MANEA: variants seen among roughly 807,000 people sequenced by gnomAD.
MANEA encodes the protein mannosidase endo-alpha, also known as glycoprotein endo-alpha-1,2-mannosidase.
A neutral mutation model predicts 36.8 loss-of-function variants in MANEA; 25 were observed. The observed-to-expected ratio is 0.68, with a 90% confidence interval of 0.50 to 0.95. MANEA has a LOEUF of 0.95. Ranked by LOEUF, MANEA falls within the 40% of genes least tolerant of loss-of-function variation. MANEA has a pLI of 0.00. For missense variants in MANEA, 565 were observed against 558.8 expected (o/e 1.01, Z -0.11); for synonymous variants, 198 against 188.5 (o/e 1.05, Z -0.41).
chr6:95,597,173 G>A (rs533762600), intron 3 of MANEA, among the ~76,000 whole-genome samples: 1 of 151,992 alleles, frequency 6.6e-6, no homozygotes, highest in South Asian at 2.1e-4. Flanking sequence ...TATTAACCAT[G>A]TAACTTTGCA....
In MANEA at chr6:95,584,905, G is replaced by A. The variant is rs185008376; in HGVS notation, c.-38-1497G>A. Among the ~76,000 whole-genome samples, 94 of 152,276 alleles carry A rather than the reference G, an allele frequency of 6.2e-4. No individual in the cohort carries two copies. The East Asian group carries it at 0.012, about 19-fold the overall frequency. ...TGAAATATTGGGGATGGGTTCCCCC[G>A]ATAGAATAGAAGCAGCAGTTTGTAG... On this transcript the variant is annotated intron_variant, in intron 1 of 4. Transcript: ENST00000358812.
chr6:95,581,130 A>C (rs1769172034), intron 1 of MANEA, among the ~76,000 whole-genome samples: 1 of 152,214 alleles, frequency 6.6e-6, no homozygotes, highest in East Asian at 1.9e-4. Flanking sequence ...TAGGTCAGAT[A>C]ACTAAAAAAT....
intron 3 of MANEA, among the ~76,000 whole-genome samples, chr6:95,598,330 G>A (rs190706614): frequency 1.3e-5 from 2 of 152,274 alleles, no homozygotes; most frequent in African/African-American, 2.4e-5. Context: ...TTATTTGGGA[G>A]TGTCTGGTTC....
rs574818389 is a variant in MANEA, at chr6:95,609,195, T to G, written c.*2790T>G. On this transcript the variant is annotated 3_prime_UTR_variant, in exon 5 of 5. Transcript: ENST00000358812. ...GTATAACTTAAAGTGGTATAATACA[T>G]ACAATGCATGAATCATAATGGATTC... The G allele has an allele frequency of 8.6e-4, 130 of 151,860 alleles. No individual in the cohort carries two copies. The highest frequency in any genetic ancestry group is 3.0e-3 in the African/African-American group (126 of 41,520). The allele number at this position is 151,860 out of a possible 1,614,324, so 9.4% of individuals were successfully genotyped here.
At chr6:95,603,035 A>T (rs1269007810) in intron 3 of MANEA, among the ~76,000 whole-genome samples, 1 of 150,580 alleles carries the variant, frequency 6.6e-6, no homozygotes, top group Non-Finnish European at 1.5e-5. Context: ...TCAAAAAAAA[A>T]AAAAAAAAAA....
intron 1 of MANEA, among the ~76,000 whole-genome samples, chr6:95,584,846 G>A (rs981276161): frequency 6.6e-6 from 1 of 152,128 alleles, no homozygotes; most frequent in Non-Finnish European, 1.5e-5. Flanking sequence ...TCTCAGACTG[G>A]TTGACATTTA....
intron 1 of MANEA, 81 bp from the exon 2 acceptor site, chr6:95,586,321 T>A: frequency 1.3e-6 from 1 of 763,206 alleles, no homozygotes; most frequent in South Asian, 1.8e-5. Context: ...ATGAAATTTA[T>A]GGATTTTAGT....
chr6:95,579,472 G>C (rs1255260602), intron 1 of MANEA, among the ~76,000 whole-genome samples: 1 of 152,062 alleles, frequency 6.6e-6, no homozygotes, highest in East Asian at 1.9e-4. Context: ...CCTGGGCAAG[G>C]ATTGATTTTG....
At position 95,586,444 on chromosome 6, in the gene MANEA, C is replaced by A. The variant is rs1326166022; in HGVS notation, c.5C>A (p.Ala2Glu). 6.2e-7 allele frequency: 1 copy of A among 1,603,032 alleles called. No individual in the cohort carries two copies. The highest frequency in any genetic ancestry group is 8.5e-7 in the Non-Finnish European group (1 of 1,174,330). ...TGGAGTTTAAAGTATGTCATCATGGCAAAGTTTCGGAGAAGGACTTGCATC... is the reference window on the plus strand; with the variant it reads ...TGGAGTTTAAAGTATGTCATCATGGAAAAGTTTCGGAGAAGGACTTGCATC... M[A>E]KFRRRTCIIL... The change falls in exon 2 of 5, where the codon GCA (alanine) becomes GAA (glutamate). Residue 2 changes from alanine to glutamate, a missense_variant. Transcript: ENST00000358812.
In MANEA at chr6:95,602,743, G is replaced by A. The variant is rs147105864; in HGVS notation, c.655-2084G>A. Among the ~76,000 whole-genome samples the A allele has an allele frequency of 3.6e-3, 540 of 152,108 alleles. 4 individuals are homozygous for A. The highest frequency in any genetic ancestry group is 0.012 in the African/African-American group (507 of 41,514). On this transcript the variant is annotated intron_variant, in intron 3 of 4. Transcript: ENST00000358812. Reference sequence around the variant, plus strand: ...TAATTAAAATTGCAAAGTAATGGCCGGGCGCGGTGGCTCACGCCTGTAATC... The same window carrying A: ...TAATTAAAATTGCAAAGTAATGGCCAGGCGCGGTGGCTCACGCCTGTAATC...
At chr6:95,590,772 AAT>A (rs1769373119) in intron 2 of MANEA, among the ~76,000 whole-genome samples, 1 of 152,214 alleles carries the variant, frequency 6.6e-6, no homozygotes, top group Non-Finnish European at 1.5e-5. Context: ...ACTTGCAAAT[AAT>A]ATATACTTAA....
At chr6:95,594,601 T>A (rs573046936) in intron 2 of MANEA, among the ~76,000 whole-genome samples, 1 of 152,346 alleles carries the variant, frequency 6.6e-6, no homozygotes, top group Admixed American at 6.5e-5. Context: ...TTCTTTGTGT[T>A]CTTAATTATC....
intron 1 of MANEA, among the ~76,000 whole-genome samples, chr6:95,584,964 TAA>T (rs1228234037): frequency 6.6e-6 from 1 of 152,236 alleles, no homozygotes; most frequent in East Asian, 1.9e-4. Flanking sequence ...CTATTGGAGT[TAA>T]GTCTTTTTTA....
chr6:95,606,398 T>C lies in MANEA; in HGVS notation c.1382T>C (p.Val461Ala). 3 of 1,589,450 alleles carry C rather than the reference T, an allele frequency of 1.9e-6. No homozygotes were observed. Among genetic ancestry groups the C allele is most frequent in the Non-Finnish European group, 2.6e-6 (3 of 1,174,284 alleles). The change falls in exon 5 of 5, where the codon GTT (valine) becomes GCT (alanine). Residue 461 changes from valine to alanine, a missense_variant. Coordinates refer to ENST00000358812, the MANE Select transcript of MANEA (RefSeq NM_024641.4). ...TATGCATTAGATCGCCAGCTGCCTG[T>C]TTCTTAATGCATTGATTAAAGTTTA... Reference protein sequence around the residue: ...ATYALDRQLPVS With the variant: ...ATYALDRQLPAS
chr6:95,601,989 T>C (rs1255258376), intron 3 of MANEA, among the ~76,000 whole-genome samples: 1 of 152,144 alleles, frequency 6.6e-6, no homozygotes, highest in Non-Finnish European at 1.5e-5. Flanking sequence ...TCCGTGATTC[T>C]TTTTTAAATG....
At chr6:95,602,480 A>G (rs1487342273) in intron 3 of MANEA, among the ~76,000 whole-genome samples, 1 of 152,164 alleles carries the variant, frequency 6.6e-6, no homozygotes, top group Non-Finnish European at 1.5e-5. Flanking sequence ...TTTTCATTCA[A>G]AAAAGTTCAT....
rs375470923 is a variant in MANEA, at chr6:95,599,615, G to T, written c.654+2769G>T. ...TTATGGACCACTGTTGAAATATTTCGTTTCAAATAAAAATGTGAAACATTA... is the reference window on the plus strand; with the variant it reads ...TTATGGACCACTGTTGAAATATTTCTTTTCAAATAAAAATGTGAAACATTA... On this transcript the variant is annotated intron_variant, in intron 3 of 4. Coordinates refer to ENST00000358812, the MANE Select transcript of MANEA (RefSeq NM_024641.4). Among the ~76,000 whole-genome samples, 19 of 152,230 alleles carry T rather than the reference G, an allele frequency of 1.2e-4. No homozygotes were observed. The South Asian group carries it at 2.3e-3, about 18-fold the overall frequency.
intron 2 of MANEA, among the ~76,000 whole-genome samples, chr6:95,587,570 A>G (rs1447284838): frequency 6.6e-6 from 1 of 152,098 alleles, no homozygotes; most frequent in Admixed American, 6.6e-5. Context: ...GCTCAGCACA[A>G]TATTTTGAAC....
At chr6:95,591,555 T>C (rs139605854) in intron 2 of MANEA, among the ~76,000 whole-genome samples, 1,789 of 152,228 alleles carry the variant, frequency 0.012, 15 homozygotes, top group Non-Finnish European at 0.017. Context: ...TTTTTCTTTT[T>C]TCTATTTTGT....
Sources: gnomAD v4.1 joint callset for allele counts (sites outside exome capture counted in the v4.1 genomes callset) on GRCh38, gnomAD v4.1.1 for gene constraint, MANE v1.5 for transcripts, NCBI Gene and HGNC (gene_info 2026-07-23, HGNC 2026-07-21) for gene names.